The following ERCC8 variants were observed in gnomAD, a reference collection of about 807,000 sequenced individuals.
ERCC8 encodes DNA excision repair protein ERCC-8.
Under a neutral mutation model 54.9 loss-of-function variants are expected in ERCC8, and 52 were observed. The ratio of observed to expected loss-of-function variants is 0.95; its 90% CI spans 0.76 to 1.19. ERCC8 has a LOEUF of 1.19. Among genes scored for constraint, ERCC8 ranks in the 50% most tolerant of loss-of-function variants. ERCC8 has a pLI of 0.00. For synonymous variants in ERCC8, 146 were observed against 157.2 expected (o/e 0.93, Z 0.53); for missense variants, 514 against 466.1 (o/e 1.10, Z -0.95).
intron 9 of ERCC8, among the ~76,000 whole-genome samples, chr5:60,896,781 G>A (rs975030378): frequency 7.9e-5 from 12 of 152,158 alleles, no homozygotes; most frequent in Non-Finnish European, 2.9e-5. Flanking sequence ...CAAAGGGCAT[G>A]AGACTCACCT....
intron 9 of ERCC8, chr5:60,892,525 C>A: frequency 1.6e-6 from 1 of 611,602 alleles, no homozygotes; most frequent in Non-Finnish European, 3.2e-6. Context: ...GTTTTGGCTG[C>A]CTGCTCCTGA....
chr5:60,909,271 A>G (rs1446396636), intron 4 of ERCC8, among the ~76,000 whole-genome samples: 3 of 146,720 alleles, frequency 2.0e-5, no homozygotes, highest in Middle Eastern at 3.2e-3. Flanking sequence ...AAAAAAAAAA[A>G]AAAAAAAGCC....
At chr5:60,898,451 T>C (rs1166373245) in intron 8 of ERCC8, 51 bp from the exon 9 acceptor site, 2 of 1,604,344 alleles carry the variant, frequency 1.2e-6, no homozygotes, top group Non-Finnish European at 1.7e-6. Context: ...TCAGGACATA[T>C]TTAATGTTTG....
intron 4 of ERCC8, among the ~76,000 whole-genome samples, chr5:60,909,070 G>A (rs1749167126): frequency 6.6e-6 from 1 of 151,666 alleles, no homozygotes. Context: ...AGATAAAGAT[G>A]GTTTGATAAT....
At chr5:60,935,536 CTT>C (rs1750039235) in intron 1 of ERCC8, among the ~76,000 whole-genome samples, 1 of 152,164 alleles carries the variant, frequency 6.6e-6, no homozygotes, top group Non-Finnish European at 1.5e-5. Flanking sequence ...ATTTCTTTCT[CTT>C]GTCTGATTGC....
At position 60,930,888 on chromosome 5, in the gene ERCC8, C is replaced by A. The variant is rs140669734; in HGVS notation, c.78-1929G>T. 1.9e-4 allele frequency among the ~76,000 whole-genome samples: 29 copies of A among 152,254 alleles called. No homozygotes were observed. In the East Asian group the frequency reaches 5.6e-3, roughly 29 times the overall value. ...TTGGGAGGCCAAGGAGGCCGGATCA[C>A]TTGAGGTCAGCGATTCAAGATCAGC... is the stretch of plus-strand genomic sequence containing the variant. On this transcript the variant is annotated intron_variant, in intron 1 of 11. Transcript: ENST00000676185.
rs1747878788 is a variant in ERCC8, at chr5:60,872,253, T to A, written c.*2362A>T. ...CATGACATTGGTCTGGGCAATGATT[T>A]TTTTGGATACGATCTCAAAAGCACA... is the stretch of plus-strand genomic sequence containing the variant. On this transcript the variant is annotated 3_prime_UTR_variant, in exon 12 of 12. Coordinates refer to ENST00000676185, the MANE Select transcript of ERCC8 (RefSeq NM_000082.4). Among the ~76,000 whole-genome samples the A allele has an allele frequency of 6.6e-6, 1 of 152,216 alleles. No homozygotes were observed.
chr5:60,892,878 C>T lies in ERCC8; in HGVS notation c.844-1792G>A, dbSNP rs533408963. ...CAGGCTTTTAATCAGGCTGCTTTTC[C>T]CAATATTGGGAAGGCCTACAATGTC... On this transcript the variant is annotated intron_variant, in intron 9 of 11. Transcript: ENST00000676185. 8.2e-5 allele frequency: 58 copies of T among 703,068 alleles called. No individual in the cohort carries two copies. The South Asian group carries it at 8.7e-4, about 11-fold the overall frequency. 43.6% of individuals were successfully genotyped at this position (703,068 alleles called of 1,614,324 possible).
intron 4 of ERCC8, among the ~76,000 whole-genome samples, chr5:60,910,798 A>G (rs1299153086): frequency 1.3e-5 from 2 of 152,104 alleles, no homozygotes; most frequent in African/African-American, 2.4e-5. Flanking sequence ...CTACGTTCAT[A>G]ATCATGTCTT....
At chr5:60,907,408 A>G (rs1214443270) in intron 4 of ERCC8, 1 of 139,162 alleles carries the variant, frequency 7.2e-6, no homozygotes, top group East Asian at 2.1e-4. Context: ...GCTGGTGTGC[A>G]GTGGCACGAT....
chr5:60,893,702 G>A (rs1054628197), intron 9 of ERCC8: 6 of 439,546 alleles, frequency 1.4e-5, no homozygotes, highest in African/African-American at 8.0e-5. Context: ...TCTGGCTTCC[G>A]GATGCCAGCC....
At chr5:60,879,799 T>C (rs1748145368) in intron 11 of ERCC8, among the ~76,000 whole-genome samples, 1 of 152,258 alleles carries the variant, frequency 6.6e-6, no homozygotes, top group Non-Finnish European at 1.5e-5. Context: ...AGCACACTGA[T>C]GGGTCTTGAC....
chr5:60,884,408 G>A (rs545596910), intron 11 of ERCC8, among the ~76,000 whole-genome samples: 17 of 150,576 alleles, frequency 1.1e-4, no homozygotes, highest in African/African-American at 3.2e-4. Flanking sequence ...CCCAGGAGGC[G>A]GAGCTTGCAG....
intron 1 of ERCC8, among the ~76,000 whole-genome samples, chr5:60,937,611 A>G (rs1300117274): frequency 6.6e-6 from 1 of 152,188 alleles, no homozygotes; most frequent in Admixed American, 6.5e-5. Flanking sequence ...CCCAGCTCCC[A>G]TGCAACCTAC....
At chr5:60,905,460 G>T (rs768863053) in intron 4 of ERCC8, among the ~76,000 whole-genome samples, 1 of 152,108 alleles carries the variant, frequency 6.6e-6, no homozygotes, top group Non-Finnish European at 1.5e-5. Flanking sequence ...GCCAATATCT[G>T]CAATTCCTTT....
chr5:60,881,209 C>T (rs952610138), intron 11 of ERCC8, among the ~76,000 whole-genome samples: 2 of 152,242 alleles, frequency 1.3e-5, no homozygotes, highest in African/African-American at 4.8e-5. Flanking sequence ...GCTAGCTGAT[C>T]GTTCCTCTGG....
intron 4 of ERCC8, among the ~76,000 whole-genome samples, chr5:60,917,761 C>T (rs1049989477): frequency 6.6e-6 from 1 of 151,868 alleles, no homozygotes; most frequent in Non-Finnish European, 1.5e-5. Context: ...GATTAGCACT[C>T]GGAATGTAAA....
chr5:60,877,138 T>C (rs1194079840), intron 11 of ERCC8, among the ~76,000 whole-genome samples: 1 of 152,220 alleles, frequency 6.6e-6, no homozygotes, highest in Non-Finnish European at 1.5e-5. Context: ...AAATAGGGAA[T>C]CCTTTCTCCA....
At chr5:60,932,665 T>C (rs1749941743) in intron 1 of ERCC8, among the ~76,000 whole-genome samples, 1 of 151,376 alleles carries the variant, frequency 6.6e-6, no homozygotes, top group African/African-American at 2.5e-5. Flanking sequence ...TGAGTTTATC[T>C]TGTATCTTTT....
Sources: gnomAD v4.1 joint callset for allele counts (sites outside exome capture counted in the v4.1 genomes callset) on GRCh38, gnomAD v4.1.1 for gene constraint, MANE v1.5 for transcripts, NCBI Gene and HGNC (gene_info 2026-07-23, HGNC 2026-07-21) for gene names.